MEGF10: variants seen among roughly 807,000 people sequenced by gnomAD.
The protein encoded by MEGF10 is multiple EGF like domains 10.
Under a neutral mutation model 147.5 loss-of-function variants are expected in MEGF10, and 86 were observed. The observed-to-expected ratio is 0.58, with a 90% CI of 0.49 to 0.70. The LOEUF is 0.70. Ranked by LOEUF, MEGF10 falls within the 30% of genes least tolerant of loss-of-function variation. The probability of loss-of-function intolerance (pLI) is 0.00; values close to 1 mark genes in which losing one functional copy is unlikely to be tolerated. For missense variants in MEGF10, 1,329 were observed against 1,487.3 expected (o/e 0.89, Z 1.75); for synonymous variants, 478 against 525.5 (o/e 0.91, Z 1.24).
chr5:127,365,378 A>T (rs951516767), intron 4 of MEGF10, among the ~76,000 whole-genome samples: 18 of 152,212 alleles, frequency 1.2e-4, no homozygotes, highest in Admixed American at 1.2e-3. Context: ...GGCAGAAGAA[A>T]AACTATTGAG....
At chr5:127,305,603 C>T (rs976274345) in intron 1 of MEGF10, among the ~76,000 whole-genome samples, 2 of 151,810 alleles carry the variant, frequency 1.3e-5, no homozygotes, top group African/African-American at 2.4e-5. Flanking sequence ...ACTTTTCTTC[C>T]GCCATTAAAA....
chr5:127,431,753 C>T (rs148697560), intron 13 of MEGF10, among the ~76,000 whole-genome samples: 104 of 152,244 alleles, frequency 6.8e-4, no homozygotes, highest in African/African-American at 2.4e-3. Flanking sequence ...TAGCAGGTTA[C>T]CCTTGTTGGT....
At chr5:127,432,018 A>G (rs1580863055) in intron 13 of MEGF10, among the ~76,000 whole-genome samples, 1 of 152,274 alleles carries the variant, frequency 6.6e-6, no homozygotes, top group East Asian at 1.9e-4. Context: ...CAGATTTCAT[A>G]CTTTATTCTA....
At chr5:127,355,897 G>A (rs1259850349) in intron 4 of MEGF10, among the ~76,000 whole-genome samples, 2 of 152,026 alleles carry the variant, frequency 1.3e-5, no homozygotes, top group Admixed American at 1.3e-4. Flanking sequence ...CATGGAGACA[G>A]GGTCAAAAGG....
upstream of MEGF10, among the ~76,000 whole-genome samples, chr5:127,289,232 C>T (rs1272427412): frequency 1.3e-5 from 2 of 152,104 alleles, no homozygotes; most frequent in East Asian, 3.8e-4. Context: ...AACTTATCCC[C>T]CAATAAAGTT....
At chr5:127,414,160 C>T (rs192883222) in intron 9 of MEGF10, among the ~76,000 whole-genome samples, 3 of 152,242 alleles carry the variant, frequency 2.0e-5, no homozygotes, top group Admixed American at 2.0e-4. Context: ...ATCCTGTTGA[C>T]CCCTTTATAT....
At chr5:127,444,703 G>A (rs78198917) in intron 19 of MEGF10, 1 of 152,212 alleles carries the variant, frequency 6.6e-6, no homozygotes, top group Admixed American at 6.5e-5. Flanking sequence ...TAATGAGTAA[G>A]GTATTAGGGT....
chr5:127,419,039 C>G (rs756459687), intron 10 of MEGF10, 81 bp from the exon 11 acceptor site: 229 of 1,465,270 alleles, frequency 1.6e-4, no homozygotes, highest in Non-Finnish European at 1.9e-4. Flanking sequence ...TTAGCATTGC[C>G]AAGATATATT....
At chr5:127,306,056 C>G (rs1383934169) in intron 1 of MEGF10, among the ~76,000 whole-genome samples, 1 of 152,208 alleles carries the variant, frequency 6.6e-6, no homozygotes, top group African/African-American at 2.4e-5. Context: ...GACATTAACT[C>G]TTCACCCAAG....
chr5:127,419,501 C>G (rs564342826), intron 11 of MEGF10, among the ~76,000 whole-genome samples: 1 of 152,276 alleles, frequency 6.6e-6, no homozygotes, highest in South Asian at 2.1e-4. Flanking sequence ...AACAAGCAGA[C>G]ATGTGTTCAT....
chr5:127,251,365 A>G, the MEGF10 span, among the ~76,000 whole-genome samples: 1 of 151,984 alleles, frequency 6.6e-6, no homozygotes. Flanking sequence ...AAGTTACTTA[A>G]ACTCTTTGTG....
the MEGF10 span, among the ~76,000 whole-genome samples, chr5:127,281,763 C>T: frequency 6.6e-6 from 1 of 152,174 alleles, no homozygotes. Flanking sequence ...GCAGGCTCTT[C>T]AGTAGGCCTA....
chr5:127,343,492 G>A (rs1203447792), intron 4 of MEGF10, among the ~76,000 whole-genome samples: 4 of 152,034 alleles, frequency 2.6e-5, no homozygotes, highest in Non-Finnish European at 5.9e-5. Flanking sequence ...GAGGTTTCCT[G>A]TGGGGACCTG....
At chr5:127,258,899 A>G in the MEGF10 span, among the ~76,000 whole-genome samples, 1 of 152,164 alleles carries the variant, frequency 6.6e-6, no homozygotes, top group Admixed American at 6.5e-5. Flanking sequence ...AGTCTATGGT[A>G]TTCTCTTATA....
chr5:127,365,751 A>G (rs1762631239), intron 4 of MEGF10, among the ~76,000 whole-genome samples: 1 of 152,232 alleles, frequency 6.6e-6, no homozygotes, highest in South Asian at 2.1e-4. Flanking sequence ...TCAGAATATG[A>G]TCTTTAATGA....
intron 8 of MEGF10, chr5:127,409,976 G>C (rs1764491694): frequency 5.8e-6 from 1 of 173,624 alleles, no homozygotes; most frequent in African/African-American, 2.4e-5. Context: ...TTGACACAGA[G>C]TTTTCTCTTT....
intron 4 of MEGF10, among the ~76,000 whole-genome samples, chr5:127,359,224 A>G (rs1439280070): frequency 6.6e-6 from 1 of 152,102 alleles, no homozygotes; most frequent in Non-Finnish European, 1.5e-5. Context: ...TCCAGTGATG[A>G]CAGACTCTTA....
rs1561657438 is a variant in MEGF10 at position 127,454,550 on chromosome 5, T to TC, written c.2981-15dup. On this transcript the variant is annotated splice_polypyrimidine_tract_variant and intron_variant, in intron 22 of 24. Transcript: ENST00000503335. ...TTCAGTTCTCACTGGGTGTTTTTTTTCTTCCTTTATTACAGGTGCTTTTGG... is the reference window on the plus strand; with the variant it reads ...TTCAGTTCTCACTGGGTGTTTTTTTTCCTTCCTTTATTACAGGTGCTTTTGG... The TC allele has an allele frequency of 6.2e-7, 1 of 1,603,254 alleles. No individual in the cohort carries two copies.
chr5:127,289,822 G>A (rs924808494), upstream of MEGF10, among the ~76,000 whole-genome samples: 5 of 152,178 alleles, frequency 3.3e-5, no homozygotes, highest in African/African-American at 1.2e-4. Context: ...AAGCCTGGTA[G>A]GAGATGGTTA....
Sources: allele counts gnomAD v4.1 joint callset (sites outside exome capture counted in the v4.1 genomes callset), GRCh38; gene constraint gnomAD v4.1.1; transcripts MANE v1.5; gene names NCBI Gene and HGNC (gene_info 2026-07-23, HGNC 2026-07-21).